ZBTB7C: variants seen among roughly 807,000 people sequenced by gnomAD.
ZBTB7C encodes zinc finger and BTB domain-containing protein 7C.
A neutral mutation model predicts 25.7 loss-of-function variants in ZBTB7C; 8 were observed. The ratio of observed to expected loss-of-function variants is 0.31; its 90% CI spans 0.18 to 0.56. The LOEUF (loss-of-function observed/expected upper bound fraction) is 0.56. ZBTB7C is among the 20% of genes least tolerant of loss of function. The pLI is 0.91. For synonymous variants in ZBTB7C, 394 were observed against 369.0 expected (o/e 1.07, Z -0.78); for missense variants, 824 against 855.2 (o/e 0.96, Z 0.46).
intron 2 of ZBTB7C, among the ~76,000 whole-genome samples, chr18:48,192,306 T>G (rs78229083): frequency 0.12 from 18,547 of 151,884 alleles, 1,530 homozygotes; most frequent in Non-Finnish European, 0.18. Context: ...AGGGGTTGGG[T>G]GAGGAAGGGA....
At chr18:48,167,605 T>TGC (rs57491706) in intron 3 of ZBTB7C, among the ~76,000 whole-genome samples, 11,473 of 149,508 alleles carry the variant, frequency 0.077, 1,482 homozygotes, top group African/African-American at 0.27. Context: ...TGTGCGCGCG[T>TGC]GCACACGCGC....
intron 2 of ZBTB7C, among the ~76,000 whole-genome samples, chr18:48,302,977 G>C (rs1294243217): frequency 5.0e-5 from 6 of 119,562 alleles, no homozygotes; most frequent in Admixed American, 4.6e-4. Context: ...ATGCAAGACA[G>C]GGGAGGATGG....
chr18:48,318,398 G>A (rs1331295179), intron 2 of ZBTB7C, among the ~76,000 whole-genome samples: 2 of 152,012 alleles, frequency 1.3e-5, no homozygotes, highest in African/African-American at 2.4e-5. Context: ...TTGGGCTTCT[G>A]GCTTCCTGGA....
At chr18:48,150,581 CAAAAAAAAAAAAA>C (rs1362784084) in intron 3 of ZBTB7C, 1 of 86,782 alleles carries the variant, frequency 1.2e-5, no homozygotes, top group African/African-American at 4.0e-5. Context: ...GACTCCATCT[CAAAAAAAAAAAAA>C]AAAAAAATAC....
intron 2 of ZBTB7C, among the ~76,000 whole-genome samples, chr18:48,276,274 CTT>C (rs555046633): frequency 2.9e-5 from 4 of 140,258 alleles, no homozygotes; most frequent in South Asian, 2.4e-4. Context: ...AGCTTTCTCT[CTT>C]TTTTTTTTTT....
chr18:48,246,497 T>C (rs1289800824), intron 2 of ZBTB7C, among the ~76,000 whole-genome samples: 1 of 151,464 alleles, frequency 6.6e-6, no homozygotes, highest in Non-Finnish European at 1.5e-5. Context: ...GACAAATAAT[T>C]GTATACACCT....
At chr18:48,282,632 A>G (rs906000589) in intron 2 of ZBTB7C, among the ~76,000 whole-genome samples, 1 of 152,226 alleles carries the variant, frequency 6.6e-6, no homozygotes, top group Non-Finnish European at 1.5e-5. Context: ...AGATGCAGAC[A>G]TTGTGGTATA....
chr18:48,177,094 C>G (rs1028568806), intron 3 of ZBTB7C, among the ~76,000 whole-genome samples: 1 of 152,254 alleles, frequency 6.6e-6, no homozygotes, highest in East Asian at 1.9e-4. Context: ...TTTTCATCAG[C>G]ATAAACCCCT....
intron 2 of ZBTB7C, among the ~76,000 whole-genome samples, chr18:48,310,852 C>T (rs540623029): frequency 1.3e-5 from 2 of 152,344 alleles, no homozygotes; most frequent in East Asian, 3.9e-4. Context: ...CCCACTTGTC[C>T]TCTACATCTC....
intron 2 of ZBTB7C, among the ~76,000 whole-genome samples, chr18:48,211,103 C>T (rs2042692525): frequency 6.6e-6 from 1 of 152,078 alleles, no homozygotes; most frequent in South Asian, 2.1e-4. Flanking sequence ...ATAATCTTTT[C>T]AATAAATGGT....
At chr18:48,162,845 C>T (rs915453651) in intron 3 of ZBTB7C, among the ~76,000 whole-genome samples, 1 of 152,206 alleles carries the variant, frequency 6.6e-6, no homozygotes, top group Admixed American at 6.5e-5. Context: ...ATGGAGAGGA[C>T]AGGCTCAGTT....
At chr18:48,165,194 T>A (rs1220298459) in intron 3 of ZBTB7C, 1 of 1,198,600 alleles carries the variant, frequency 8.3e-7, no homozygotes, top group Non-Finnish European at 1.1e-6. Flanking sequence ...TTGTCCAAGG[T>A]CACAAAGCAA....
upstream of ZBTB7C, chr18:48,409,518 C>CG (rs1179481440): frequency 2.7e-5 from 4 of 148,136 alleles, no homozygotes; most frequent in African/African-American, 7.3e-5. Context: ...GCCGCCGGCT[C>CG]GGGGGGCGCA....
At chr18:48,275,129 A>G (rs897926537) in intron 2 of ZBTB7C, among the ~76,000 whole-genome samples, 1 of 152,230 alleles carries the variant, frequency 6.6e-6, no homozygotes, top group African/African-American at 2.4e-5. Flanking sequence ...TCTGATCACT[A>G]GCAATGGAAA....
intron 2 of ZBTB7C, among the ~76,000 whole-genome samples, chr18:48,294,928 C>T (rs114700633): frequency 0.011 from 1,687 of 152,230 alleles, 33 homozygotes; most frequent in African/African-American, 0.039. Context: ...AATTAGGAAC[C>T]GTGAGCTCTG....
rs528493239 is a variant in ZBTB7C, at chr18:48,228,988, CAT to C, written c.-78-42995_-78-42994del. Among the ~76,000 whole-genome samples, 513 of 152,264 alleles carry C rather than the reference CAT, an allele frequency of 3.4e-3. 1 individual carries two copies. The highest frequency in any genetic ancestry group is 0.012 in the African/African-American group (481 of 41,552). ...CACAGAGCCTCGAACCATCTGGAAA[CAT>C]AAGCACGGCAGGATTGTGCGAGGCT... On this transcript the variant is annotated intron_variant, in intron 2 of 4. Coordinates refer to ENST00000590800, the MANE Select transcript of ZBTB7C (RefSeq NM_001318841.2).
chr18:48,267,134 T>A (rs1195122611), intron 2 of ZBTB7C, among the ~76,000 whole-genome samples: 1 of 152,216 alleles, frequency 6.6e-6, no homozygotes, highest in Non-Finnish European at 1.5e-5. Flanking sequence ...TCAAGTTGGA[T>A]CAAAGCACAA....
intron 1 of ZBTB7C, among the ~76,000 whole-genome samples, chr18:48,408,189 A>G (rs1316435063): frequency 6.6e-6 from 1 of 152,228 alleles, no homozygotes; most frequent in African/African-American, 2.4e-5. Flanking sequence ...AAGGTTGGGT[A>G]CCAGCCTCCA....
intron 2 of ZBTB7C, among the ~76,000 whole-genome samples, chr18:48,297,330 G>A (rs1433469220): frequency 6.6e-6 from 1 of 152,162 alleles, no homozygotes; most frequent in Non-Finnish European, 1.5e-5. Flanking sequence ...GTAGTATGCT[G>A]TGTTTGCCTT....
Sources: allele counts gnomAD v4.1 joint callset (sites outside exome capture counted in the v4.1 genomes callset), GRCh38; gene constraint gnomAD v4.1.1; transcripts MANE v1.5; gene names NCBI Gene and HGNC (gene_info 2026-07-23, HGNC 2026-07-21).